The following SGMS1 variants were observed in gnomAD, a reference collection of about 807,000 sequenced individuals.
SGMS1 encodes sphingomyelin synthase 1.
SGMS1 carries 13 observed loss-of-function variants against 46.2 expected under a neutral mutation model. The observed-to-expected ratio is 0.28, with a 90% confidence interval of 0.18 to 0.45. The LOEUF is 0.45. Ranked by LOEUF, SGMS1 falls within the 20% of genes least tolerant of loss-of-function variation. The pLI is 1.00. For synonymous variants in SGMS1, 203 were observed against 187.8 expected (o/e 1.08, Z -0.66); for missense variants, 324 against 519.9 (o/e 0.62, Z 3.66).
At chr10:50,621,013 ATC>A (rs747198245) in intron 1 of SGMS1, among the ~76,000 whole-genome samples, 3 of 152,034 alleles carry the variant, frequency 2.0e-5, no homozygotes, top group Non-Finnish European at 4.4e-5. Flanking sequence ...ACAAAACCCT[ATC>A]TCTATAAAAA....
In SGMS1 at chr10:50,623,816, G is replaced by A. The variant is rs1838881974; in HGVS notation, c.-793C>T. 4.1e-6 allele frequency: 4 copies of A among 985,384 alleles called. No individual in the cohort carries two copies. Among genetic ancestry groups the A allele is most frequent in the Non-Finnish European group, 4.8e-6 (4 of 829,944 alleles). 61.0% of individuals were successfully genotyped at this position (985,384 alleles called of 1,614,324 possible). On this transcript the variant is annotated 5_prime_UTR_variant, in exon 1 of 11. Transcript: ENST00000361781. ...GCTCCGCACCCCAATCGCGCTCTCCGACCGGCTCCCTAGGCGCGAGGGGAG... is the reference window on the plus strand; with the variant it reads ...GCTCCGCACCCCAATCGCGCTCTCCAACCGGCTCCCTAGGCGCGAGGGGAG...
intron 6 of SGMS1, among the ~76,000 whole-genome samples, chr10:50,350,003 A>G (rs1014831904): frequency 2.0e-5 from 3 of 152,250 alleles, no homozygotes; most frequent in Non-Finnish European, 4.4e-5. Flanking sequence ...AGGGCTCAGA[A>G]GAAGACAGAA....
chr10:50,352,108 A>C (rs1383712009), intron 6 of SGMS1, among the ~76,000 whole-genome samples: 1 of 152,248 alleles, frequency 6.6e-6, no homozygotes, highest in Non-Finnish European at 1.5e-5. Flanking sequence ...AAATAAAGGT[A>C]TACATGCTGT....
chr10:50,332,181 C>T (rs2133327566), intron 7 of SGMS1, among the ~76,000 whole-genome samples: 1 of 152,294 alleles, frequency 6.6e-6, no homozygotes, highest in South Asian at 2.1e-4. Flanking sequence ...TGGCCACCCT[C>T]CCTATCATTC....
At chr10:50,437,604 C>A (rs1328926292) in intron 5 of SGMS1, among the ~76,000 whole-genome samples, 1 of 152,106 alleles carries the variant, frequency 6.6e-6, no homozygotes, top group Non-Finnish European at 1.5e-5. Flanking sequence ...GAAACAGCAC[C>A]CTACTGATGT....
chr10:50,564,098 C>T (rs191936484), intron 2 of SGMS1, among the ~76,000 whole-genome samples: 32 of 152,354 alleles, frequency 2.1e-4, no homozygotes, highest in African/African-American at 7.2e-4. Flanking sequence ...GTGACAGCCA[C>T]ATTAGCACAG....
chr10:50,314,303 G>T (rs556836132), intron 8 of SGMS1, among the ~76,000 whole-genome samples: 6 of 152,014 alleles, frequency 3.9e-5, no homozygotes, highest in South Asian at 2.1e-4. Flanking sequence ...TGGAGGGGAT[G>T]GGGGGAAGCA....
intron 6 of SGMS1, among the ~76,000 whole-genome samples, chr10:50,429,446 G>A (rs1392449541): frequency 6.6e-6 from 1 of 152,068 alleles, no homozygotes; most frequent in Non-Finnish European, 1.5e-5. Context: ...ACTCTATTAT[G>A]TTGACACAAC....
intron 6 of SGMS1, among the ~76,000 whole-genome samples, chr10:50,427,171 G>T (rs547885518): frequency 6.6e-6 from 1 of 152,322 alleles, no homozygotes; most frequent in Admixed American, 6.5e-5. Flanking sequence ...GGCCGAGGCG[G>T]ACAGATCACG....
intron 9 of SGMS1, among the ~76,000 whole-genome samples, chr10:50,310,306 C>T (rs1028541812): frequency 1.1e-4 from 16 of 152,146 alleles, no homozygotes; most frequent in Non-Finnish European, 2.4e-4. Flanking sequence ...ATGGAAACCC[C>T]CCTGTATAAT....
chr10:50,547,149 T>G (rs1383753162), intron 2 of SGMS1, among the ~76,000 whole-genome samples: 3 of 152,156 alleles, frequency 2.0e-5, no homozygotes, highest in Non-Finnish European at 4.4e-5. Flanking sequence ...ACAGAAGAGT[T>G]GTTTCTATTG....
At chr10:50,391,962 A>C (rs1362280440) in intron 6 of SGMS1, among the ~76,000 whole-genome samples, 1 of 152,112 alleles carries the variant, frequency 6.6e-6, no homozygotes, top group Non-Finnish European at 1.5e-5. Flanking sequence ...GCTCTCACTT[A>C]TAAGTGGAAG....
At chr10:50,540,879 G>A (rs1838045670) in intron 2 of SGMS1, among the ~76,000 whole-genome samples, 2 of 152,168 alleles carry the variant, frequency 1.3e-5, no homozygotes, top group Non-Finnish European at 2.9e-5. Context: ...TCATAAAGAG[G>A]GTGGAAAAGA....
chr10:50,560,269 T>C (rs1237591681), intron 2 of SGMS1, among the ~76,000 whole-genome samples: 2 of 141,634 alleles, frequency 1.4e-5, no homozygotes, highest in Non-Finnish European at 3.0e-5. Context: ...ATCTAATGTA[T>C]GTAATATACA....
At chr10:50,591,690 T>C (rs573624130) in intron 1 of SGMS1, among the ~76,000 whole-genome samples, 1 of 152,210 alleles carries the variant, frequency 6.6e-6, no homozygotes, top group Non-Finnish European at 1.5e-5. Context: ...AACCTCTCCA[T>C]AATGAAAGGC....
At chr10:50,358,068 C>T (rs1331962419) in intron 6 of SGMS1, among the ~76,000 whole-genome samples, 1 of 152,042 alleles carries the variant, frequency 6.6e-6, no homozygotes, top group Admixed American at 6.5e-5. Flanking sequence ...TCTCTTGAGG[C>T]CAGGAGTTCA....
At chr10:50,437,203 C>T (rs971227328) in intron 5 of SGMS1, among the ~76,000 whole-genome samples, 2 of 152,128 alleles carry the variant, frequency 1.3e-5, no homozygotes, top group African/African-American at 4.8e-5. Flanking sequence ...AAAGAGGTAT[C>T]CCAGTATGCT....
In SGMS1 at chr10:50,309,961, G is replaced by A. The variant is rs546776893; in HGVS notation, c.895+1301C>T. On this transcript the variant is annotated intron_variant, in intron 9 of 10. Coordinates refer to ENST00000361781, the MANE Select transcript of SGMS1 (RefSeq NM_147156.4). ...GCAGCAATCTCCTAACTTTTCTCCC[G>A]GTCTCCAGTTTGGTCCCCCATCCAG... 1.9e-4 allele frequency among the ~76,000 whole-genome samples: 29 copies of A among 152,030 alleles called. 1 individual carries two copies. In the South Asian group the frequency reaches 5.0e-3, roughly 26 times the overall value.
At chr10:50,455,923 T>C (rs1837185486) in intron 5 of SGMS1, among the ~76,000 whole-genome samples, 1 of 152,168 alleles carries the variant, frequency 6.6e-6, no homozygotes, top group African/African-American at 2.4e-5. Flanking sequence ...AGGCTATCAC[T>C]CTTTCATCTC....
Sources: allele counts gnomAD v4.1 joint callset (sites outside exome capture counted in the v4.1 genomes callset), GRCh38; gene constraint gnomAD v4.1.1; transcripts MANE v1.5; gene names NCBI Gene and HGNC (gene_info 2026-07-23, HGNC 2026-07-21).